Variants in AFF2 observed in about 807,000 individuals in gnomAD.
The protein encoded by AFF2 is ALF transcription elongation factor 2.
AFF2 carries 14 observed loss-of-function variants against 76.9 expected under a neutral mutation model. That is an observed-to-expected ratio of 0.18 (90% CI 0.12 to 0.28). The LOEUF is 0.28. Among genes scored for constraint, AFF2 ranks in the 10% least tolerant of loss-of-function variants. The pLI is 1.00. For synonymous variants in AFF2, 398 were observed against 366.7 expected (o/e 1.09, Z -0.98); for missense variants, 868 against 1,001.1 (o/e 0.87, Z 1.79).
intron 3 of AFF2, among the ~76,000 whole-genome samples, chrX:148,767,512 T>A (rs782248769): frequency 1.8e-4 from 20 of 112,172 alleles, no homozygotes; most frequent in Non-Finnish European, 3.6e-4. Flanking sequence ...TCAACCTGAA[T>A]GCAAAGTTTC....
At chrX:148,584,254 C>T (rs2053443472) in intron 1 of AFF2, among the ~76,000 whole-genome samples, 1 of 111,143 alleles carries the variant, frequency 9.0e-6, no homozygotes, top group Non-Finnish European at 1.9e-5. Context: ...AAATAAATCT[C>T]TAGTAGAGGA....
chrX:148,593,013 G>GGTT (rs782691042), intron 1 of AFF2, among the ~76,000 whole-genome samples: 1 of 111,884 alleles, frequency 8.9e-6, no homozygotes, highest in South Asian at 3.7e-4. Flanking sequence ...CAGAACCTCA[G>GGTT]GTTGTTCTGA....
At chrX:148,611,551 C>A (rs2053733280) in intron 1 of AFF2, among the ~76,000 whole-genome samples, 1 of 111,311 alleles carries the variant, frequency 9.0e-6, no homozygotes, top group African/African-American at 3.3e-5. Flanking sequence ...TGACAGCAAC[C>A]CCTACCCAGT....
chrX:148,652,238 A>G (rs2054210101), intron 2 of AFF2, 107 bp downstream of exon 2: 2 of 635,185 alleles, frequency 3.1e-6, no homozygotes, highest in East Asian at 6.7e-5. Context: ...AGGGGAATAT[A>G]TTTTACAAGT....
chrX:148,647,448 T>C (rs1343526110), intron 1 of AFF2, among the ~76,000 whole-genome samples: 1 of 111,959 alleles, frequency 8.9e-6, no homozygotes, highest in Non-Finnish European at 1.9e-5. Context: ...GAAACTGGTT[T>C]TTACTCTCCC....
In AFF2 at chrX:148,997,811, T is replaced by TC. The variant is rs2072623525; in HGVS notation, c.*6483dup. 8.9e-6 allele frequency: 1 copy of TC among 112,237 alleles called. No individual in the cohort carries two copies. 9.2% of individuals were successfully genotyped at this position (112,237 alleles called of 1,213,427 possible). On this transcript the variant is annotated 3_prime_UTR_variant, in exon 21 of 21. Transcript: ENST00000370460. Reference sequence around the variant, plus strand: ...AATGTGTTTAACATCATCCAGTGCATCCCCTAATTCAAAACCATCCTCACT... The same window carrying TC: ...AATGTGTTTAACATCATCCAGTGCATCCCCCTAATTCAAAACCATCCTCACT...
At chrX:148,627,892 G>T (rs2053942637) in intron 1 of AFF2, among the ~76,000 whole-genome samples, 3 of 111,923 alleles carry the variant, frequency 2.7e-5, no homozygotes, top group Admixed American at 1.9e-4. Flanking sequence ...GTTCAAGGGG[G>T]TATCACAGGT....
At chrX:148,784,005 T>A (rs905168067) in intron 3 of AFF2, among the ~76,000 whole-genome samples, 3 of 111,982 alleles carry the variant, frequency 2.7e-5, no homozygotes, top group Non-Finnish European at 5.6e-5. Context: ...TCTATAGTTC[T>A]GGGAGCAAAT....
chrX:148,839,333 T>G lies in AFF2; in HGVS notation c.1173+1600T>G, dbSNP rs1224797643. Among the ~76,000 whole-genome samples, 6 of 112,096 alleles carry G rather than the reference T, an allele frequency of 5.4e-5. No individual in the cohort carries two copies. The Admixed American group carries it at 5.7e-4, about 11-fold the overall frequency. ...TTTGATTCCTGCCAAAACGTTGGTT[T>G]GAAAGAAAAGTACACTTTAAATAAC... On this transcript the variant is annotated intron_variant, in intron 5 of 20. Coordinates refer to ENST00000370460, the MANE Select transcript of AFF2 (RefSeq NM_002025.4).
Position 148,500,967 on chromosome X carries a change from G to T in AFF2, c.-131G>T. 1.2e-6 allele frequency: 1 copy of T among 817,140 alleles called. No individual in the cohort carries two copies. The highest frequency in any genetic ancestry group is 2.7e-5 in the South Asian group (1 of 37,406). 67.3% of individuals were successfully genotyped at this position (817,140 alleles called of 1,213,427 possible). Reference sequence around the variant, plus strand: ...CCGCTGCTGCTGCCGATGCGGCCCGGACACTTTTAGCTGGGCGGGAGGGCT... The same window carrying T: ...CCGCTGCTGCTGCCGATGCGGCCCGTACACTTTTAGCTGGGCGGGAGGGCT... On this transcript the variant is annotated 5_prime_UTR_variant, in exon 1 of 21. Coordinates refer to ENST00000370460, the MANE Select transcript of AFF2 (RefSeq NM_002025.4).
In AFF2 at chrX:148,713,977, AT is replaced by A. The variant is rs782439266; in HGVS notation, c.1041+51210del. Among the ~76,000 whole-genome samples the A allele has an allele frequency of 3.1e-3, 353 of 112,161 alleles. 2 individuals are homozygous for A. The highest frequency in any genetic ancestry group is 0.011 in the African/African-American group (329 of 30,911). ...TTTCAATGACCAGATGCATAGAAGC[AT>A]GTTTTAAATGACTGCAATGTAATTG... is the stretch of plus-strand genomic sequence containing the variant. On this transcript the variant is annotated intron_variant, in intron 3 of 20. Transcript: ENST00000370460.
At chrX:148,886,126 C>T (rs2071156951) in intron 8 of AFF2, 141 bp downstream of exon 8, 2 of 502,033 alleles carry the variant, frequency 4.0e-6, no homozygotes, top group Admixed American at 2.9e-5. Flanking sequence ...CAAAGATGAG[C>T]ATAGTGTTCT....
At chrX:148,597,478 A>G (rs2053585008) in intron 1 of AFF2, among the ~76,000 whole-genome samples, 1 of 112,339 alleles carries the variant, frequency 8.9e-6, no homozygotes, top group Non-Finnish European at 1.9e-5. Context: ...TCAGGATCAT[A>G]AAATAATTTC....
intron 1 of AFF2, among the ~76,000 whole-genome samples, chrX:148,564,249 A>G (rs1569551333): frequency 9.0e-6 from 1 of 110,951 alleles, no homozygotes; most frequent in Non-Finnish European, 1.9e-5. Context: ...ATAAGTTTTA[A>G]ATATATATGT....
chrX:148,851,203 C>T lies in AFF2; in HGVS notation c.1262+7770C>T, dbSNP rs183025287. Among the ~76,000 whole-genome samples the T allele has an allele frequency of 5.4e-5, 6 of 112,046 alleles. No homozygotes were observed. In the Admixed American group the frequency reaches 5.7e-4, roughly 11 times the overall value. On this transcript the variant is annotated intron_variant, in intron 7 of 20. Coordinates refer to ENST00000370460, the MANE Select transcript of AFF2 (RefSeq NM_002025.4). ...AGTTGCTTAAAGCCCCTCCATTTTA[C>T]ACTGACGAGTAGGGAGCAGTGTTGG... is the stretch of plus-strand genomic sequence containing the variant.
intron 1 of AFF2, among the ~76,000 whole-genome samples, chrX:148,627,420 TC>T (rs1305007344): frequency 9.2e-6 from 1 of 109,010 alleles, no homozygotes; most frequent in Non-Finnish European, 1.9e-5. Context: ...TGAATGGGGG[TC>T]AGCTTGCCCA....
intron 19 of AFF2, among the ~76,000 whole-genome samples, chrX:148,981,560 TTC>T (rs2072393426): frequency 1.8e-5 from 2 of 111,328 alleles, no homozygotes; most frequent in African/African-American, 6.5e-5. Flanking sequence ...CGAATCCCAG[TTC>T]TGTGTCAGCT....
chrX:148,589,656 C>T (rs2053503825), intron 1 of AFF2, among the ~76,000 whole-genome samples: 1 of 111,069 alleles, frequency 9.0e-6, no homozygotes, highest in Non-Finnish European at 1.9e-5. Flanking sequence ...TAGTATGTCA[C>T]CCAAGTGGCT....
chrX:148,614,545 C>T (rs2053764843), intron 1 of AFF2, among the ~76,000 whole-genome samples: 1 of 109,971 alleles, frequency 9.1e-6, no homozygotes, highest in Non-Finnish European at 1.9e-5. Context: ...CTATAGCAGG[C>T]CGCCTCCTCC....
Sources: gnomAD v4.1 joint callset for allele counts (sites outside exome capture counted in the v4.1 genomes callset) on GRCh38, gnomAD v4.1.1 for gene constraint, MANE v1.5 for transcripts, NCBI Gene and HGNC (gene_info 2026-07-23, HGNC 2026-07-21) for gene names.